Variants in STK3 observed in about 807,000 individuals in gnomAD.
STK3 encodes serine/threonine-protein kinase 3.
In STK3, 41 loss-of-function variants were observed where a neutral mutation model predicts 58.0. That is an observed-to-expected ratio of 0.71 (90% CI 0.55 to 0.92). The LOEUF (loss-of-function observed/expected upper bound fraction) is 0.92, where lower values mean the gene tolerates loss of function less well. Ranked by LOEUF, STK3 falls within the 40% of genes least tolerant of loss-of-function variation. STK3 has a pLI of 0.00. For missense variants in STK3, 479 were observed against 602.7 expected, an observed-to-expected ratio of 0.79 and a Z score of 2.15; for synonymous variants, 170 against 191.0, an observed-to-expected ratio of 0.89 and a Z score of 0.91.
chr8:98,920,753 A>C (rs535726115), intron 1 of STK3, among the ~76,000 whole-genome samples: 3 of 152,354 alleles, frequency 2.0e-5, no homozygotes, highest in Admixed American at 6.5e-5. Flanking sequence ...CTGGAGAAGC[A>C]GGGCAAGAGG....
intron 3 of STK3, among the ~76,000 whole-genome samples, chr8:98,395,845 C>T (rs17310578): frequency 0.12 from 18,683 of 152,098 alleles, 1,190 homozygotes; most frequent in African/African-American, 0.13. Flanking sequence ...TGCAAATATG[C>T]ATGGAAAACA....
At chr8:98,483,441 G>A (rs1348380929) in intron 10 of STK3, among the ~76,000 whole-genome samples, 1 of 152,178 alleles carries the variant, frequency 6.6e-6, no homozygotes, top group African/African-American at 2.4e-5. Flanking sequence ...TTCCCTGAAA[G>A]TCTTGGCATA....
intron 6 of STK3, among the ~76,000 whole-genome samples, chr8:98,657,787 T>C (rs1421624533): frequency 1.3e-5 from 2 of 152,032 alleles, no homozygotes; most frequent in South Asian, 2.1e-4. Context: ...GCTAGAATTA[T>C]ATAAAGTGAA....
At chr8:98,635,951 A>G (rs1217314974) in intron 6 of STK3, among the ~76,000 whole-genome samples, 1 of 152,148 alleles carries the variant, frequency 6.6e-6, no homozygotes, top group African/African-American at 2.4e-5. Context: ...GCCATGAGGC[A>G]TCGTCTAACC....
At chr8:98,890,205 GGGACACCTGGGCTTGGCAA>G (rs2131920967) in intron 1 of STK3, among the ~76,000 whole-genome samples, 1 of 152,320 alleles carries the variant, frequency 6.6e-6, no homozygotes, top group East Asian at 1.9e-4. Context: ...GGAGTAAAAT[GGGACACCTGGGCTTGGCAA>G]GGAACAAGGA....
intron 3 of STK3, among the ~76,000 whole-genome samples, chr8:98,414,027 G>A (rs1818087421): frequency 6.6e-6 from 1 of 152,212 alleles, no homozygotes; most frequent in African/African-American, 2.4e-5. Flanking sequence ...ACTTTGGGAG[G>A]CCACAGTGGG....
chr8:98,393,241 T>C (rs555248407), upstream of STK3, among the ~76,000 whole-genome samples: 8 of 152,280 alleles, frequency 5.3e-5, no homozygotes, highest in African/African-American at 1.9e-4. Flanking sequence ...TGTCTGAACA[T>C]GGTCAAGGTC....
chr8:98,755,741 T>A (rs1011176242), intron 3 of STK3, among the ~76,000 whole-genome samples: 5 of 152,206 alleles, frequency 3.3e-5, no homozygotes, highest in Non-Finnish European at 7.3e-5. Flanking sequence ...GACTTTGTCA[T>A]TGACTTTTAT....
rs756661331 is a variant in STK3 at position 98,428,362 on chromosome 8, T to C, written n.483+5765A>G. The C allele has an allele frequency of 1.2e-4, 195 of 1,613,924 alleles. No homozygotes were observed. Among genetic ancestry groups the C allele is most frequent in the Non-Finnish European group, 1.2e-4 (143 of 1,179,996 alleles). ...AGCTACAGCTACCATGGCCGCAAAG[T>C]AGAGCCCGAGCAGGAGAAGTGGGAC... On this transcript the variant is annotated intron_variant and non_coding_transcript_variant, in intron 3 of 3. Transcript: ENST00000517832. The surrounding 1 kb of genome is among the most constrained non-coding windows in gnomAD (Gnocchi z 6.7).
upstream of STK3, among the ~76,000 whole-genome samples, chr8:98,388,439 A>G (rs1338020727): frequency 6.6e-6 from 1 of 152,218 alleles, no homozygotes. Context: ...ATGAAAAGAG[A>G]GATGACCAAA....
At chr8:98,441,112 G>A (rs1388124264) in intron 1 of STK3, among the ~76,000 whole-genome samples, 1 of 152,134 alleles carries the variant, frequency 6.6e-6, no homozygotes, top group African/African-American at 2.4e-5. Context: ...GTAATTCCAC[G>A]ATAGTTGAAA....
chr8:98,481,091 CTG>C (rs1231986075), intron 10 of STK3, among the ~76,000 whole-genome samples: 3 of 152,034 alleles, frequency 2.0e-5, no homozygotes, highest in African/African-American at 7.2e-5. Context: ...AGGATATTAA[CTG>C]TATCTTTTGA....
At chr8:98,429,150 G>A (rs1298481405) in intron 3 of STK3, 1 of 1,613,514 alleles carries the variant, frequency 6.2e-7, no homozygotes, top group Non-Finnish European at 8.5e-7. Flanking sequence ...AAAGCTGACT[G>A]CCTCTGCCTG....
intron 4 of STK3, among the ~76,000 whole-genome samples, chr8:98,743,613 A>T (rs2131327008): frequency 6.6e-6 from 1 of 152,310 alleles, no homozygotes; most frequent in African/African-American, 2.4e-5. Flanking sequence ...TAAACGTTAG[A>T]CCTAAAACCA....
chr8:98,654,444 C>T (rs1234243397), intron 6 of STK3, among the ~76,000 whole-genome samples: 2 of 152,124 alleles, frequency 1.3e-5, no homozygotes, highest in African/African-American at 2.4e-5. Flanking sequence ...TGCCCTCTCT[C>T]ACCACTCCTA....
chr8:98,531,288 C>CA (rs1402931023), intron 9 of STK3, among the ~76,000 whole-genome samples: 1 of 152,212 alleles, frequency 6.6e-6, no homozygotes, highest in Non-Finnish European at 1.5e-5. Flanking sequence ...CTATGGGCTA[C>CA]AAAATGGATG....
chr8:98,646,375 T>G (rs1246267488), intron 6 of STK3, among the ~76,000 whole-genome samples: 3 of 152,220 alleles, frequency 2.0e-5, no homozygotes, highest in Non-Finnish European at 4.4e-5. Context: ...TTTGTAATAT[T>G]AATAACCCAC....
At chr8:98,423,931 A>G (rs946822201) in intron 3 of STK3, among the ~76,000 whole-genome samples, 6 of 152,126 alleles carry the variant, frequency 3.9e-5, no homozygotes, top group Admixed American at 2.6e-4. Flanking sequence ...CTCCCTGCAC[A>G]CCTGTACCCC....
chr8:98,903,995 C>CT lies in STK3; in HGVS notation c.-78-20162dup, dbSNP rs113589589. ...CAGACCACTATGCTCATGTTTATGT[C>CT]TTTTTTTTCTTAAGTGTTAGAAATG... On this transcript the variant is annotated intron_variant, in intron 1 of 1. Coordinates refer to the STK3 transcript ENST00000519420. Among the ~76,000 whole-genome samples, 262 of 151,980 alleles carry CT rather than the reference C, an allele frequency of 1.7e-3. 1 individual carries two copies. Among genetic ancestry groups the CT allele is most frequent in the African/African-American group, 5.9e-3 (246 of 41,456 alleles).
Sources: gnomAD v4.1 joint callset for allele counts (sites outside exome capture counted in the v4.1 genomes callset) on GRCh38, gnomAD v4.1.1 for gene constraint, Gnocchi (gnomAD v3.1) non-coding constraint, MANE v1.5 for transcripts, NCBI Gene and HGNC (gene_info 2026-07-23, HGNC 2026-07-21) for gene names.